Variants in SPAG16 observed in about 807,000 individuals in gnomAD.
The protein encoded by SPAG16 is sperm associated antigen 16.
Under a neutral mutation model 80.4 loss-of-function variants are expected in SPAG16, and 86 were observed. The observed-to-expected ratio is 1.07, with a 90% CI of 0.90 to 1.28. The LOEUF (loss-of-function observed/expected upper bound fraction) is 1.28. Ranked by LOEUF, SPAG16 falls within the 50% of genes most tolerant of loss-of-function variation. The pLI is 0.00. For missense variants in SPAG16, 870 were observed against 765.3 expected (o/e 1.14, Z -1.61); for synonymous variants, 294 against 265.9 (o/e 1.11, Z -1.03).
intron 13 of SPAG16, among the ~76,000 whole-genome samples, chr2:214,039,540 C>T (rs2125085091): frequency 6.6e-6 from 1 of 152,268 alleles, no homozygotes; most frequent in Non-Finnish European, 1.5e-5. Flanking sequence ...AAAATTTTTG[C>T]AATCTACTCA....
At chr2:213,293,670 T>C (rs1188266064) in intron 1 of SPAG16, among the ~76,000 whole-genome samples, 1 of 152,184 alleles carries the variant, frequency 6.6e-6, no homozygotes, top group African/African-American at 2.4e-5. Flanking sequence ...ATTCTCCTGT[T>C]ATTTTGACTA....
At chr2:213,322,061 C>G (rs961102991) in intron 5 of SPAG16, among the ~76,000 whole-genome samples, 5 of 148,884 alleles carry the variant, frequency 3.4e-5, no homozygotes, top group Non-Finnish European at 7.4e-5. Flanking sequence ...TACCCTAAAA[C>G]TTAAAGTATA....
chr2:213,468,487 A>ATATCTC (rs568042318), intron 9 of SPAG16, among the ~76,000 whole-genome samples: 8 of 104,674 alleles, frequency 7.6e-5, no homozygotes, highest in African/African-American at 3.1e-4. Context: ...ATAGATATAT[A>ATATCTC]TATGTATTTA....
intron 10 of SPAG16, among the ~76,000 whole-genome samples, chr2:213,752,933 T>C (rs753407008): frequency 1.8e-4 from 28 of 152,230 alleles, no homozygotes; most frequent in Non-Finnish European, 2.9e-4. Context: ...TAGATTGTTT[T>C]CCCTAAATAT....
chr2:213,809,386 C>T (rs2071978574), intron 10 of SPAG16, among the ~76,000 whole-genome samples: 1 of 152,006 alleles, frequency 6.6e-6, no homozygotes, highest in Non-Finnish European at 1.5e-5. Context: ...AAAAACTCAC[C>T]CAGGTCCTAG....
At chr2:213,891,454 C>T (rs1437189236) in intron 11 of SPAG16, among the ~76,000 whole-genome samples, 1 of 151,786 alleles carries the variant, frequency 6.6e-6, no homozygotes. Flanking sequence ...GTGATCTGAC[C>T]CTACACTGAC....
chr2:213,453,011 A>G (rs1196706277), intron 9 of SPAG16, among the ~76,000 whole-genome samples: 1 of 152,168 alleles, frequency 6.6e-6, no homozygotes, highest in African/African-American at 2.4e-5. Flanking sequence ...CATTCTTCAG[A>G]TATCAGTTCA....
chr2:213,404,852 T>A (rs1331490503), intron 9 of SPAG16, among the ~76,000 whole-genome samples: 2 of 152,200 alleles, frequency 1.3e-5, no homozygotes, highest in South Asian at 2.1e-4. Flanking sequence ...AATTTTTTTT[T>A]AATTATTGGT....
intron 9 of SPAG16, among the ~76,000 whole-genome samples, chr2:213,392,328 A>C (rs2067796564): frequency 6.6e-6 from 1 of 152,184 alleles, no homozygotes; most frequent in African/African-American, 2.4e-5. Context: ...CTTTTTGCCT[A>C]AAGTGTCATT....
At chr2:214,205,359 A>AT (rs1364417419) in intron 15 of SPAG16, among the ~76,000 whole-genome samples, 1 of 152,238 alleles carries the variant, frequency 6.6e-6, no homozygotes, top group African/African-American at 2.4e-5. Flanking sequence ...AATGCAAAAC[A>AT]TTTAAGTTGA....
chr2:214,132,938 C>A (rs1020062746), intron 14 of SPAG16, among the ~76,000 whole-genome samples: 1 of 151,490 alleles, frequency 6.6e-6, no homozygotes, highest in African/African-American at 2.4e-5. Flanking sequence ...ACTAAAAATA[C>A]AAAATTAGCC....
intron 13 of SPAG16, among the ~76,000 whole-genome samples, chr2:214,106,663 T>C (rs556171620): frequency 4.6e-5 from 7 of 151,756 alleles, no homozygotes; most frequent in Non-Finnish European, 7.4e-5. Flanking sequence ...AGGGGCATCA[T>C]GATGATCTAC....
At chr2:213,407,048 G>A (rs1219084566) in intron 9 of SPAG16, among the ~76,000 whole-genome samples, 7 of 152,138 alleles carry the variant, frequency 4.6e-5, no homozygotes, top group Admixed American at 1.3e-4. Flanking sequence ...GAGAAGCCGC[G>A]GGAGCGGGTA....
chr2:213,523,426 T>C (rs1359361008), intron 10 of SPAG16, among the ~76,000 whole-genome samples: 2 of 152,050 alleles, frequency 1.3e-5, no homozygotes, highest in East Asian at 3.9e-4. Flanking sequence ...ACTAATACAG[T>C]AAATTGGTAC....
chr2:214,390,135 C>T (rs889474452), intron 15 of SPAG16, among the ~76,000 whole-genome samples: 5 of 152,162 alleles, frequency 3.3e-5, no homozygotes, highest in African/African-American at 1.2e-4. Context: ...AATATATACA[C>T]ATTTTGTATT....
chr2:214,122,714 A>G (rs2054280705), intron 14 of SPAG16, among the ~76,000 whole-genome samples: 1 of 151,888 alleles, frequency 6.6e-6, no homozygotes, highest in East Asian at 1.9e-4. Context: ...GTCAACTACC[A>G]TTTAGCTGGG....
chr2:214,012,462 A>G (rs2047361037), intron 12 of SPAG16, among the ~76,000 whole-genome samples: 1 of 150,384 alleles, frequency 6.6e-6, no homozygotes, highest in South Asian at 2.1e-4. Flanking sequence ...CGTCAGGCTA[A>G]TTTTTGTATT....
chr2:214,261,904 G>C (rs1691207198), intron 15 of SPAG16, among the ~76,000 whole-genome samples: 2 of 152,090 alleles, frequency 1.3e-5, no homozygotes, highest in African/African-American at 4.8e-5. Context: ...TAGATCATCT[G>C]TCTAATTCAA....
intron 14 of SPAG16, among the ~76,000 whole-genome samples, chr2:214,135,302 A>G (rs1295058544): frequency 6.6e-6 from 1 of 152,118 alleles, no homozygotes; most frequent in Non-Finnish European, 1.5e-5. Context: ...CTTTATATAC[A>G]TTGTCTTTAT....
Sources: allele counts gnomAD v4.1 joint callset (sites outside exome capture counted in the v4.1 genomes callset), GRCh38; gene constraint gnomAD v4.1.1; transcripts MANE v1.5; gene names NCBI Gene and HGNC (gene_info 2026-07-23, HGNC 2026-07-21).